The following MYO5B variants were observed in gnomAD, a reference collection of about 807,000 sequenced individuals.
MYO5B encodes myosin VB, also known as unconventional myosin-Vb.
MYO5B carries 143 observed loss-of-function variants against 229.3 expected under a neutral mutation model. The ratio of observed to expected loss-of-function variants is 0.62; its 90% confidence interval spans 0.54 to 0.72. The LOEUF (loss-of-function observed/expected upper bound fraction) is 0.72. Ranked by LOEUF, MYO5B falls within the 30% of genes least tolerant of loss-of-function variation. MYO5B has a pLI of 0.00. For synonymous variants in MYO5B, 918 were observed against 885.2 expected (o/e 1.04, Z -0.66); for missense variants, 2,321 against 2,331.0 (o/e 1.00, Z 0.09).
chr18:49,978,638 A>AC (rs1280138048), intron 9 of MYO5B, among the ~76,000 whole-genome samples: 4 of 150,686 alleles, frequency 2.7e-5, no homozygotes, highest in Non-Finnish European at 5.9e-5. Flanking sequence ...GCGAGAACTG[A>AC]CCCTACTCTT....
intron 1 of MYO5B, chr18:50,064,353 A>G (rs1337484501): frequency 2.0e-5 from 3 of 152,266 alleles, no homozygotes; most frequent in African/African-American, 7.2e-5. Flanking sequence ...AAAAAGCTAA[A>G]AAAGATTTCC....
At chr18:50,162,844 C>A (rs781450166) in intron 1 of MYO5B, among the ~76,000 whole-genome samples, 14 of 152,214 alleles carry the variant, frequency 9.2e-5, no homozygotes, top group Non-Finnish European at 2.1e-4. Context: ...CTACACAGCA[C>A]CTCACAGCTG....
intron 1 of MYO5B, among the ~76,000 whole-genome samples, chr18:50,112,426 C>T (rs1202152042): frequency 6.6e-6 from 1 of 152,172 alleles, no homozygotes; most frequent in African/African-American, 2.4e-5. Context: ...CATCAAGAGG[C>T]AAAGGCAAGG....
At chr18:49,999,524 ATAG>A (rs2026023928) in intron 5 of MYO5B, among the ~76,000 whole-genome samples, 1 of 152,256 alleles carries the variant, frequency 6.6e-6, no homozygotes, top group Admixed American at 6.5e-5. Context: ...AGCCAATAAG[ATAG>A]TTCATAAAAA....
chr18:50,139,393 G>A (rs780457325), intron 1 of MYO5B, among the ~76,000 whole-genome samples: 7 of 152,224 alleles, frequency 4.6e-5, no homozygotes, highest in Non-Finnish European at 8.8e-5. Context: ...GCACATGAAC[G>A]AACAGGGTGC....
rs535609385 is a variant in MYO5B, at chr18:49,894,943, T to A, written c.3043A>T (p.Lys1015Ter). The A allele has an allele frequency of 6.2e-7, 1 of 1,612,374 alleles. No homozygotes were observed. Reference sequence around the variant, plus strand: ...CTGCCCCTCTGGCCTGAGCATACCTTCCTCAGCTCATCTTTCTCCCTGCTG... The same window carrying A: ...CTGCCCCTCTGGCCTGAGCATACCTACCTCAGCTCATCTTTCTCCCTGCTG... ...AHSREKDELR[K>*]RVADLEQENA... The change falls in exon 22 of 40, where the codon AAG (lysine) becomes TAG (stop). Residue 1015 changes from lysine to a stop codon, truncating the protein, a stop_gained and splice_region_variant. Transcript: ENST00000285039. LOFTEE classifies it high-confidence loss of function.
At chr18:50,005,242 AC>A (rs2026088759) in intron 4 of MYO5B, among the ~76,000 whole-genome samples, 1 of 152,138 alleles carries the variant, frequency 6.6e-6, no homozygotes, top group Non-Finnish European at 1.5e-5. Flanking sequence ...TAATGCTAAA[AC>A]CCTTGATAAG....
chr18:49,933,268 C>A (rs759972458), intron 16 of MYO5B, among the ~76,000 whole-genome samples: 1 of 152,164 alleles, frequency 6.6e-6, no homozygotes, highest in Non-Finnish European at 1.5e-5. Flanking sequence ...TTATGACAAC[C>A]GCCCCAGGCC....
intron 29 of MYO5B, among the ~76,000 whole-genome samples, chr18:49,860,990 T>C (rs2024322203): frequency 6.6e-6 from 1 of 152,110 alleles, no homozygotes; most frequent in South Asian, 2.1e-4. Context: ...AATGCTGGGA[T>C]TTGCAGCAAT....
At chr18:49,963,402 TAA>T (rs2025584095) in intron 10 of MYO5B, among the ~76,000 whole-genome samples, 1 of 144,418 alleles carries the variant, frequency 6.9e-6, no homozygotes, top group East Asian at 2.0e-4. Context: ...TTATTTAATT[TAA>T]TTAATTAATT....
At chr18:50,135,456 A>T (rs780722317) in intron 1 of MYO5B, among the ~76,000 whole-genome samples, 17 of 152,226 alleles carry the variant, frequency 1.1e-4, no homozygotes, top group Non-Finnish European at 2.2e-4. Flanking sequence ...TCCACTTTAC[A>T]GTTGACATCA....
intron 25 of MYO5B, among the ~76,000 whole-genome samples, chr18:49,877,063 T>C (rs938307825): frequency 6.6e-6 from 1 of 152,232 alleles, no homozygotes; most frequent in South Asian, 2.1e-4. Context: ...CCAAACCCAT[T>C]TGTTTTTATT....
At chr18:49,872,106 A>T in intron 27 of MYO5B, 61 bp downstream of exon 27, 2 of 1,526,610 alleles carry the variant, frequency 1.3e-6, no homozygotes, top group Non-Finnish European at 1.8e-6. Flanking sequence ...TGATGCCCAG[A>T]TTTGTCATCT....
At chr18:50,137,033 C>T (rs554204130) in intron 1 of MYO5B, among the ~76,000 whole-genome samples, 1 of 152,320 alleles carries the variant, frequency 6.6e-6, no homozygotes, top group South Asian at 2.1e-4. Flanking sequence ...GAGGCTAGTG[C>T]TTACTTTTAT....
chr18:50,009,503 AG>A (rs2026139350), intron 4 of MYO5B, among the ~76,000 whole-genome samples: 1 of 152,240 alleles, frequency 6.6e-6, no homozygotes, highest in Non-Finnish European at 1.5e-5. Flanking sequence ...AACCTATTAT[AG>A]TGAGGGAAGT....
At chr18:50,079,360 A>T (rs2031160101) in intron 1 of MYO5B, among the ~76,000 whole-genome samples, 2 of 152,210 alleles carry the variant, frequency 1.3e-5, no homozygotes. Context: ...AACTTGTGGT[A>T]TCTCTTCCTC....
intron 14 of MYO5B, among the ~76,000 whole-genome samples, chr18:49,950,485 G>A (rs1415428015): frequency 6.6e-6 from 1 of 152,030 alleles, no homozygotes; most frequent in East Asian, 1.9e-4. Context: ...TATACATAAA[G>A]GATATTCATT....
intron 1 of MYO5B, among the ~76,000 whole-genome samples, chr18:50,176,074 T>C (rs1339843995): frequency 6.6e-6 from 1 of 152,248 alleles, no homozygotes; most frequent in Non-Finnish European, 1.5e-5. Flanking sequence ...CATTTTGCTG[T>C]CCTGGGCATC....
chr18:50,104,068 GCAGGTGGATCTCTTGAGCC>G (rs2031706222), intron 1 of MYO5B, among the ~76,000 whole-genome samples: 1 of 148,406 alleles, frequency 6.7e-6, no homozygotes, highest in South Asian at 2.1e-4. Flanking sequence ...GGAGGCTGAG[GCAGGTGGATCTCTTGAGCC>G]CAGGAGTTTG....
Sources: gnomAD v4.1 joint callset for allele counts (sites outside exome capture counted in the v4.1 genomes callset) on GRCh38, gnomAD v4.1.1 for gene constraint, MANE v1.5 for transcripts, NCBI Gene and HGNC (gene_info 2026-07-23, HGNC 2026-07-21) for gene names.